The following SMAD3 variants were observed in gnomAD, a reference collection of about 807,000 sequenced individuals.
SMAD3 encodes the protein MAD homolog 3.
Under a neutral mutation model 51.8 loss-of-function variants are expected in SMAD3, and 12 were observed. The ratio of observed to expected loss-of-function variants is 0.23; its 90% CI spans 0.15 to 0.38. The LOEUF is 0.38. Ranked by LOEUF, SMAD3 falls within the 10% of genes least tolerant of loss-of-function variation. The pLI, the probability that SMAD3 is intolerant of heterozygous loss-of-function variation, is 1.00. For missense variants in SMAD3, 294 were observed against 565.6 expected (o/e 0.52, Z 4.87); for synonymous variants, 238 against 227.7 (o/e 1.05, Z -0.41).
chr15:67,151,853 A>G (rs1595932475), intron 1 of SMAD3, among the ~76,000 whole-genome samples: 1 of 152,090 alleles, frequency 6.6e-6, no homozygotes, highest in East Asian at 1.9e-4. Context: ...TCTATTTGAA[A>G]CTATGTAATA....
At chr15:67,141,233 A>G (rs1161946892) in intron 1 of SMAD3, among the ~76,000 whole-genome samples, 1 of 152,188 alleles carries the variant, frequency 6.6e-6, no homozygotes, top group Non-Finnish European at 1.5e-5. Flanking sequence ...CATTTGCACA[A>G]TAAATATTTA....
intron 5 of SMAD3, among the ~76,000 whole-genome samples, chr15:67,177,232 G>A (rs1470001): frequency 0.54 from 82,371 of 151,400 alleles, 22,845 homozygotes; most frequent in Non-Finnish European, 0.61. Context: ...CATAGACCAT[G>A]TCATGTTCCC....
rs1309476243 is a variant in SMAD3 at position 67,193,669 on chromosome 15, A to T, written c.*3133A>T. 4.3e-6 allele frequency: 1 copy of T among 232,350 alleles called. No homozygotes were observed. The highest frequency in any genetic ancestry group is 8.5e-6 in the Non-Finnish European group (1 of 117,736). 14.4% of individuals were successfully genotyped at this position (232,350 alleles called of 1,614,324 possible). A position where few individuals can be genotyped will look rare whatever the true frequency, so the allele number is the denominator to read the frequency against. On this transcript the variant is annotated 3_prime_UTR_variant, in exon 9 of 9. Coordinates refer to ENST00000327367, the MANE Select transcript of SMAD3 (RefSeq NM_005902.4). ...GGCAAGGCTGCTGGCAGACGTCTCC[A>T]TTGTCCTTATGTTGTCTGTGTTGTA...
At chr15:67,165,850 CTT>C (rs1000002123) in intron 3 of SMAD3, among the ~76,000 whole-genome samples, 6 of 152,196 alleles carry the variant, frequency 3.9e-5, no homozygotes, top group Admixed American at 6.5e-5. Flanking sequence ...ATTGAAGTGA[CTT>C]TGAGTTTTCA....
intron 5 of SMAD3, among the ~76,000 whole-genome samples, chr15:67,173,574 C>T (rs1439286885): frequency 6.6e-6 from 1 of 152,138 alleles, no homozygotes; most frequent in African/African-American, 2.4e-5. Flanking sequence ...AGGTGGGGCA[C>T]TGGGAAAAGA....
At chr15:67,158,711 T>C (rs1962348202) in intron 1 of SMAD3, among the ~76,000 whole-genome samples, 1 of 152,166 alleles carries the variant, frequency 6.6e-6, no homozygotes, top group South Asian at 2.1e-4. Flanking sequence ...CCACACGGCA[T>C]TGTGGTGAGA....
chr15:67,166,155 C>T, intron 3 of SMAD3: 1 of 1,011,612 alleles, frequency 9.9e-7, no homozygotes, highest in Non-Finnish European at 1.2e-6. Context: ...ACTGTCCAAC[C>T]TTCTCAGATC....
At chr15:67,083,505 T>A (rs945078990) in intron 1 of SMAD3, among the ~76,000 whole-genome samples, 1 of 152,244 alleles carries the variant, frequency 6.6e-6, no homozygotes, top group African/African-American at 2.4e-5. Flanking sequence ...ACTGTGTTTT[T>A]TTATTTTTAT....
intron 1 of SMAD3, among the ~76,000 whole-genome samples, chr15:67,072,048 C>T (rs535577378): frequency 1.3e-5 from 2 of 152,180 alleles, no homozygotes; most frequent in East Asian, 1.9e-4. Context: ...TGAATACAGT[C>T]GCATTTAATT....
In SMAD3 at chr15:67,117,564, C is replaced by T. The variant is rs765126660; in HGVS notation, c.207-47331C>T. Among the ~76,000 whole-genome samples the T allele has an allele frequency of 5.9e-5, 9 of 152,112 alleles. No homozygotes were observed. In the South Asian group the frequency reaches 1.5e-3, roughly 25 times the overall value. On this transcript the variant is annotated intron_variant, in intron 1 of 8. Coordinates refer to ENST00000327367, the MANE Select transcript of SMAD3 (RefSeq NM_005902.4). ...CCCTGGTGGAGTTCAGCAGATGTGCCGGGTGGGCGACTCTGGTGGGTGTGA... is the reference window on the plus strand; with the variant it reads ...CCCTGGTGGAGTTCAGCAGATGTGCTGGGTGGGCGACTCTGGTGGGTGTGA...
chr15:67,165,124 G>A (rs2140294376), intron 2 of SMAD3, 36 bp downstream of exon 2: 1 of 1,612,294 alleles, frequency 6.2e-7, no homozygotes, highest in Non-Finnish European at 8.5e-7. Flanking sequence ...GACAGCAGGT[G>A]CCAGGGGTCA....
chr15:67,093,205 G>A (rs886179998), intron 1 of SMAD3, among the ~76,000 whole-genome samples: 2 of 152,162 alleles, frequency 1.3e-5, no homozygotes, highest in Non-Finnish European at 2.9e-5. Flanking sequence ...GTATTCCGGG[G>A]CATATCCTTA....
rs189848513 is a variant in SMAD3 at position 67,112,753 on chromosome 15, C to G, written c.206+46393C>G. ...CAAAAATTTACTCCCTTGCATTCTT[C>G]TAAGAGTTTTATAATTTTAGCTCTT... On this transcript the variant is annotated intron_variant, in intron 1 of 8. Transcript: ENST00000327367. 3.0e-5 allele frequency among the ~76,000 whole-genome samples: 4 copies of G among 132,416 alleles called. 1 individual carries two copies. The highest frequency in any genetic ancestry group is 1.2e-4 in the African/African-American group (4 of 33,506). 86.9% of individuals were successfully genotyped at this position (132,416 alleles called of 152,430 possible).
intron 4 of SMAD3, among the ~76,000 whole-genome samples, chr15:67,170,122 C>T (rs1435208375): frequency 1.3e-5 from 2 of 152,168 alleles, no homozygotes; most frequent in Admixed American, 6.5e-5. Context: ...GAGGGCTGGC[C>T]TCCTGCTTCC....
chr15:67,096,454 G>A (rs1225169369), intron 1 of SMAD3, among the ~76,000 whole-genome samples: 1 of 152,158 alleles, frequency 6.6e-6, no homozygotes, highest in African/African-American at 2.4e-5. Context: ...TATATTTGCA[G>A]TTAAAACTGG....
chr15:67,195,035 T>A lies in SMAD3; in HGVS notation c.*4499T>A, dbSNP rs1029997681. 1 of 233,582 alleles carries A rather than the reference T, an allele frequency of 4.3e-6. No individual in the cohort carries two copies. The highest frequency in any genetic ancestry group is 8.5e-6 in the Non-Finnish European group (1 of 117,928). The allele number at this position is 233,582 out of a possible 1,614,324, so 14.5% of individuals were successfully genotyped here. A position where few individuals can be genotyped will look rare whatever the true frequency, so the allele number is the denominator to read the frequency against. On this transcript the variant is annotated 3_prime_UTR_variant, in exon 9 of 9. Transcript: ENST00000327367. ...AAGCATGTATGTATTTATAGTGTTTTAGATTTTTCTAACTTTTATATCTTA... is the reference window on the plus strand; with the variant it reads ...AAGCATGTATGTATTTATAGTGTTTAAGATTTTTCTAACTTTTATATCTTA...
chr15:67,158,696 A>G (rs1399906599), intron 1 of SMAD3, among the ~76,000 whole-genome samples: 1 of 152,228 alleles, frequency 6.6e-6, no homozygotes, highest in Non-Finnish European at 1.5e-5. Flanking sequence ...GATGTGCCTT[A>G]TTATCCACAC....
chr15:67,089,443 C>T (rs1355615712), intron 1 of SMAD3, among the ~76,000 whole-genome samples: 2 of 152,202 alleles, frequency 1.3e-5, no homozygotes, highest in Non-Finnish European at 2.9e-5. Context: ...TTTATCTTTA[C>T]AACTGCCCTG....
At chr15:67,134,865 C>G (rs1284394478) in intron 1 of SMAD3, among the ~76,000 whole-genome samples, 1 of 152,110 alleles carries the variant, frequency 6.6e-6, no homozygotes, top group Admixed American at 6.5e-5. Context: ...AGAGGTGAGA[C>G]AGAATGCTGA....
Sources: gnomAD v4.1 joint callset for allele counts (sites outside exome capture counted in the v4.1 genomes callset) on GRCh38, gnomAD v4.1.1 for gene constraint, MANE v1.5 for transcripts, NCBI Gene and HGNC (gene_info 2026-07-23, HGNC 2026-07-21) for gene names.